GABRB2: variants seen among roughly 807,000 people sequenced by gnomAD.
GABRB2 encodes the protein gamma-aminobutyric acid type A receptor subunit beta2.
A neutral mutation model predicts 54.7 loss-of-function variants in GABRB2; 16 were observed. The ratio of observed to expected loss-of-function variants is 0.29; its 90% CI spans 0.20 to 0.44. GABRB2 has a LOEUF of 0.44. Among genes scored for constraint, GABRB2 ranks in the 20% least tolerant of loss-of-function variants. The pLI is 1.00. For missense variants in GABRB2, 355 were observed against 644.0 expected, an observed-to-expected ratio of 0.55 and a Z score of 4.86; for synonymous variants, 244 against 233.8, an observed-to-expected ratio of 1.04 and a Z score of -0.40.
intron 3 of GABRB2, among the ~76,000 whole-genome samples, chr5:161,538,986 G>A (rs1352535599): frequency 6.6e-6 from 1 of 152,180 alleles, no homozygotes; most frequent in African/African-American, 2.4e-5. Flanking sequence ...AGCTGGTGAT[G>A]CAAGAAAACA....
At chr5:161,439,559 TA>T (rs1757402696) in intron 4 of GABRB2, among the ~76,000 whole-genome samples, 1 of 152,176 alleles carries the variant, frequency 6.6e-6, no homozygotes, top group African/African-American at 2.4e-5. Context: ...GTAGAAAGGC[TA>T]AATGATGAAT....
At chr5:161,305,237 C>T (rs984258441) in intron 9 of GABRB2, among the ~76,000 whole-genome samples, 15 of 151,414 alleles carry the variant, frequency 9.9e-5, no homozygotes, top group Admixed American at 3.3e-4. Flanking sequence ...AGGATGGTCT[C>T]GATCTCCTGA....
chr5:161,457,581 G>A (rs1341970897), intron 4 of GABRB2, among the ~76,000 whole-genome samples: 1 of 151,378 alleles, frequency 6.6e-6, no homozygotes, highest in Non-Finnish European at 1.5e-5. Context: ...GAGTAGCTGG[G>A]ACTACAGGCC....
chr5:161,501,529 T>C (rs1465536165), intron 3 of GABRB2, among the ~76,000 whole-genome samples: 3 of 152,308 alleles, frequency 2.0e-5, no homozygotes, highest in South Asian at 2.1e-4. Flanking sequence ...TTCAATGTTA[T>C]TGGCACAGAT....
intron 5 of GABRB2, among the ~76,000 whole-genome samples, chr5:161,358,331 C>A (rs1754701186): frequency 6.6e-6 from 1 of 151,626 alleles, no homozygotes; most frequent in Non-Finnish European, 1.5e-5. Context: ...AAGATGAACA[C>A]AATTTGGGTG....
intron 9 of GABRB2, among the ~76,000 whole-genome samples, chr5:161,305,300 G>T (rs1262751703): frequency 1.3e-5 from 2 of 152,166 alleles, no homozygotes; most frequent in Non-Finnish European, 2.9e-5. Flanking sequence ...ACAGGCGTGA[G>T]CCACCACGCC....
intron 5 of GABRB2, among the ~76,000 whole-genome samples, chr5:161,349,331 C>A (rs573637143): frequency 6.6e-6 from 1 of 152,050 alleles, no homozygotes; most frequent in African/African-American, 2.4e-5. Context: ...TAAATAACTG[C>A]CATTTATTAA....
intron 8 of GABRB2, chr5:161,329,826 T>C (rs1402468916): frequency 6.6e-6 from 1 of 152,200 alleles, no homozygotes; most frequent in Non-Finnish European, 1.5e-5. Context: ...AGACTTTTCT[T>C]TGGCTATTGC....
At chr5:161,534,805 C>A (rs553372560) in intron 3 of GABRB2, among the ~76,000 whole-genome samples, 5 of 151,926 alleles carry the variant, frequency 3.3e-5, no homozygotes, top group Middle Eastern at 6.8e-3. Flanking sequence ...AGAAAAAACC[C>A]CAGAGAAGAA....
At chr5:161,377,754 C>A (rs1755351332) in intron 5 of GABRB2, among the ~76,000 whole-genome samples, 1 of 151,992 alleles carries the variant, frequency 6.6e-6, no homozygotes, top group Non-Finnish European at 1.5e-5. Context: ...GAGATTTCAA[C>A]ATTTATTTTT....
intron 4 of GABRB2, among the ~76,000 whole-genome samples, chr5:161,444,948 G>A (rs948697226): frequency 8.6e-5 from 13 of 152,030 alleles, no homozygotes; most frequent in African/African-American, 1.7e-4. Context: ...ATCAATTTAA[G>A]GTAAACCCTG....
chr5:161,475,391 CAAACATTTAT>C (rs1454219565), intron 3 of GABRB2, among the ~76,000 whole-genome samples: 2 of 151,774 alleles, frequency 1.3e-5, no homozygotes, highest in African/African-American at 4.8e-5. Context: ...GTGAATCTGC[CAAACATTTAT>C]AAAATAATTA....
intron 4 of GABRB2, among the ~76,000 whole-genome samples, chr5:161,435,660 A>G (rs770756205): frequency 3.9e-5 from 6 of 152,210 alleles, no homozygotes; most frequent in Non-Finnish European, 8.8e-5. Flanking sequence ...ATTTTTAAAT[A>G]AGTTAGTACA....
At position 161,326,578 on chromosome 5, in the gene GABRB2, G is replaced by T. The variant is rs554299709; in HGVS notation, c.1078-97C>A. The T allele has an allele frequency of 8.2e-6, 11 of 1,347,712 alleles. No homozygotes were observed. The South Asian group carries it at 1.9e-4, about 23-fold the overall frequency. The allele number at this position is 1,347,712 out of a possible 1,614,324, so 83.5% of individuals were successfully genotyped here. A position where few individuals can be genotyped will look rare whatever the true frequency, so the allele number is the denominator to read the frequency against. ...AAATTGGATATAGATAAATGCTACTGGCCTTTAGAAATCCTTTAGATAAAG... is the reference window on the plus strand; with the variant it reads ...AAATTGGATATAGATAAATGCTACTTGCCTTTAGAAATCCTTTAGATAAAG... On this transcript the variant is annotated intron_variant, in intron 8 of 9. Coordinates refer to ENST00000393959, the MANE Select transcript of GABRB2 (RefSeq NM_001371727.1).
intron 5 of GABRB2, among the ~76,000 whole-genome samples, chr5:161,394,302 A>T (rs112354352): frequency 0.024 from 3,658 of 152,174 alleles, 146 homozygotes; most frequent in African/African-American, 0.082. Context: ...CATCTTAAAA[A>T]AATCTAGAAA....
intron 5 of GABRB2, among the ~76,000 whole-genome samples, chr5:161,338,005 A>G (rs575222927): frequency 4.1e-4 from 62 of 152,334 alleles, no homozygotes; most frequent in African/African-American, 1.5e-3. Flanking sequence ...TCAGTGTGAC[A>G]GAGATGACAA....
intron 9 of GABRB2, among the ~76,000 whole-genome samples, chr5:161,324,450 T>C (rs950021245): frequency 6.6e-6 from 1 of 152,116 alleles, no homozygotes; most frequent in Non-Finnish European, 1.5e-5. Context: ...CATAAGGCCG[T>C]TGGTATAATT....
At chr5:161,300,666 T>C (rs1233669101) in intron 9 of GABRB2, among the ~76,000 whole-genome samples, 3 of 152,192 alleles carry the variant, frequency 2.0e-5, no homozygotes, top group Admixed American at 6.5e-5. Context: ...GGAGGCCTTG[T>C]TAAAACAGGT....
intron 9 of GABRB2, among the ~76,000 whole-genome samples, chr5:161,317,143 A>C (rs1254331932): frequency 6.6e-6 from 1 of 152,096 alleles, no homozygotes. Flanking sequence ...ACAGACACAC[A>C]CTCACACGCT....
Sources: allele counts gnomAD v4.1 joint callset (sites outside exome capture counted in the v4.1 genomes callset), GRCh38; gene constraint gnomAD v4.1.1; transcripts MANE v1.5; gene names NCBI Gene and HGNC (gene_info 2026-07-23, HGNC 2026-07-21).